The following STK3 variants were observed in gnomAD, a reference collection of about 807,000 sequenced individuals.
The protein encoded by STK3 is serine/threonine kinase 3.
A neutral mutation model predicts 58.0 loss-of-function variants in STK3; 41 were observed. That is an observed-to-expected ratio of 0.71 (90% confidence interval 0.55 to 0.92). The LOEUF (loss-of-function observed/expected upper bound fraction) is 0.92. STK3 is among the 40% of genes least tolerant of loss of function. The probability of loss-of-function intolerance (pLI) is 0.00; values close to 1 mark genes in which losing one functional copy is unlikely to be tolerated. For missense variants in STK3, 479 were observed against 602.7 expected (o/e 0.79, Z 2.15); for synonymous variants, 170 against 191.0 (o/e 0.89, Z 0.91).
upstream of STK3, among the ~76,000 whole-genome samples, chr8:98,389,255 CT>C (rs1817823269): frequency 6.6e-6 from 1 of 152,090 alleles, no homozygotes; most frequent in South Asian, 2.1e-4. Flanking sequence ...AATTTTTTCC[CT>C]TTTCTTTTCA....
chr8:98,532,584 T>C (rs937667680), intron 9 of STK3, among the ~76,000 whole-genome samples: 3 of 152,184 alleles, frequency 2.0e-5, no homozygotes, highest in Non-Finnish European at 2.9e-5. Context: ...ATAGACTTGC[T>C]TGACACAAGG....
intron 3 of STK3, among the ~76,000 whole-genome samples, chr8:98,853,842 G>A (rs1836570994): frequency 6.6e-6 from 1 of 152,220 alleles, no homozygotes; most frequent in African/African-American, 2.4e-5. Context: ...TAATTAGTTT[G>A]TAATTTTTTA....
chr8:98,406,695 C>G (rs1817995916), intron 3 of STK3, among the ~76,000 whole-genome samples: 1 of 152,132 alleles, frequency 6.6e-6, no homozygotes, highest in Non-Finnish European at 1.5e-5. Flanking sequence ...TCAGTAACAC[C>G]CAACTCTAAT....
intron 4 of STK3, among the ~76,000 whole-genome samples, chr8:98,745,461 C>T (rs1297413100): frequency 6.6e-6 from 1 of 152,082 alleles, no homozygotes; most frequent in Non-Finnish European, 1.5e-5. Flanking sequence ...ATTCAGACCA[C>T]TCTCCTGCTT....
At chr8:98,715,961 G>A (rs1826976297) in intron 4 of STK3, among the ~76,000 whole-genome samples, 1 of 152,140 alleles carries the variant, frequency 6.6e-6, no homozygotes, top group Admixed American at 6.5e-5. Flanking sequence ...CATAAAAAAT[G>A]ATGAGTTCAT....
chr8:98,651,799 A>G (rs1820958531), intron 6 of STK3: 1 of 152,196 alleles, frequency 6.6e-6, no homozygotes, highest in South Asian at 2.1e-4. Context: ...ATGAAAAGAA[A>G]TGAACAAAGC....
At chr8:98,429,358 C>A in intron 3 of STK3, 1 of 1,614,050 alleles carries the variant, frequency 6.2e-7, no homozygotes, top group African/African-American at 1.3e-5. Flanking sequence ...GCAAGCCTGA[C>A]GAACATGAGC....
At chr8:98,874,793 C>CT (rs80347476) in intron 3 of STK3, among the ~76,000 whole-genome samples, 124 of 143,560 alleles carry the variant, frequency 8.6e-4, no homozygotes, top group Middle Eastern at 7.1e-3. Context: ...CATCCTGCTA[C>CT]TTTTTTTTTT....
intron 6 of STK3, chr8:98,599,007 G>GA (rs376682502): frequency 3.5e-6 from 2 of 577,604 alleles, no homozygotes; most frequent in African/African-American, 4.1e-5. Flanking sequence ...AATCAACAAT[G>GA]ACTGAACTTT....
chr8:98,765,326 T>C (rs924622146), intron 3 of STK3, among the ~76,000 whole-genome samples: 1 of 152,182 alleles, frequency 6.6e-6, no homozygotes, highest in Non-Finnish European at 1.5e-5. Context: ...GTAACATAAT[T>C]TAAATATACA....
chr8:98,688,187 T>C (rs1824147915), intron 6 of STK3, among the ~76,000 whole-genome samples: 1 of 152,198 alleles, frequency 6.6e-6, no homozygotes, highest in Non-Finnish European at 1.5e-5. Context: ...CATTATATAA[T>C]TTTTAAAGGG....
chr8:98,728,644 A>T (rs1827958330), intron 4 of STK3, among the ~76,000 whole-genome samples: 1 of 152,206 alleles, frequency 6.6e-6, no homozygotes, highest in African/African-American at 2.4e-5. Context: ...TCAGAAGACA[A>T]CAGAAAAGCA....
intron 9 of STK3, among the ~76,000 whole-genome samples, chr8:98,546,259 T>C (rs1810690567): frequency 6.6e-6 from 1 of 152,180 alleles, no homozygotes; most frequent in Admixed American, 6.5e-5. Flanking sequence ...AAAGTCACTA[T>C]ACAAAATGTC....
chr8:98,754,946 T>A (rs758688809), intron 3 of STK3, among the ~76,000 whole-genome samples: 24 of 152,318 alleles, frequency 1.6e-4, no homozygotes, highest in African/African-American at 5.8e-4. Context: ...TAATCAGCAA[T>A]GCTAAGGGTA....
At chr8:98,369,536 AAAAC>A (rs555532373), downstream of STK3, among the ~76,000 whole-genome samples, 42 of 152,246 alleles carry the variant, frequency 2.8e-4, 1 homozygote, top group South Asian at 8.7e-3. Flanking sequence ...GAAGGGGAAA[AAAAC>A]AAAGGGCAGG....
the STK3 span, among the ~76,000 whole-genome samples, chr8:98,356,162 A>G: frequency 6.6e-6 from 1 of 152,340 alleles, no homozygotes; most frequent in East Asian, 1.9e-4. Context: ...ATTCTAACTC[A>G]CAACCAAGCC....
At chr8:98,827,360 T>C (rs1474527694), upstream of STK3, among the ~76,000 whole-genome samples, 1 of 152,102 alleles carries the variant, frequency 6.6e-6, no homozygotes, top group East Asian at 1.9e-4. Context: ...AAAGAAATTG[T>C]CAAGATGTAG....
At chr8:98,617,120 C>T (rs1817807164) in intron 6 of STK3, among the ~76,000 whole-genome samples, 1 of 151,730 alleles carries the variant, frequency 6.6e-6, no homozygotes. Flanking sequence ...ATCTCTCAGA[C>T]CACAGTGCAA....
chr8:98,371,168 C>T (rs1163668150), downstream of STK3, among the ~76,000 whole-genome samples: 2 of 152,198 alleles, frequency 1.3e-5, no homozygotes, highest in Non-Finnish European at 2.9e-5. Context: ...CATTGCATCC[C>T]CAGGGCCCAG....
Sources: gnomAD v4.1 joint callset for allele counts (sites outside exome capture counted in the v4.1 genomes callset) on GRCh38, gnomAD v4.1.1 for gene constraint, MANE v1.5 for transcripts, NCBI Gene and HGNC (gene_info 2026-07-23, HGNC 2026-07-21) for gene names.